The following ABTB2 variants were observed in gnomAD, a reference collection of about 807,000 sequenced individuals.
ABTB2 encodes the protein ankyrin repeat and BTB domain containing 2, also known as ankyrin repeat and BTB/POZ domain-containing protein 2.
A neutral mutation model predicts 104.1 loss-of-function variants in ABTB2; 56 were observed. The ratio of observed to expected loss-of-function variants is 0.54; its 90% CI spans 0.43 to 0.67. The LOEUF (loss-of-function observed/expected upper bound fraction) is 0.67, where lower values mean the gene tolerates loss of function less well. ABTB2 is among the 30% of genes least tolerant of loss of function. The pLI, the probability that ABTB2 is intolerant of heterozygous loss-of-function variation, is 0.00. For synonymous variants in ABTB2, 606 were observed against 608.2 expected (o/e 1.00, Z 0.05); for missense variants, 1,279 against 1,407.7 (o/e 0.91, Z 1.46).
chr11:34,340,383 G>A (rs1173016874), intron 1 of ABTB2, among the ~76,000 whole-genome samples: 2 of 152,162 alleles, frequency 1.3e-5, no homozygotes, highest in Admixed American at 6.5e-5. Context: ...CATTTAATTC[G>A]CACAACCAGC....
chr11:34,241,935 G>C (rs1332159096), intron 1 of ABTB2, among the ~76,000 whole-genome samples: 1 of 152,258 alleles, frequency 6.6e-6, no homozygotes, highest in Non-Finnish European at 1.5e-5. Context: ...GGACTCTTCT[G>C]AAGGGTCTGT....
chr11:34,210,786 C>T (rs1441100773), intron 1 of ABTB2, among the ~76,000 whole-genome samples: 2 of 152,220 alleles, frequency 1.3e-5, no homozygotes, highest in Non-Finnish European at 2.9e-5. Flanking sequence ...TACTCCTTTA[C>T]TGCACTCGCA....
intron 2 of ABTB2, among the ~76,000 whole-genome samples, chr11:34,203,315 A>G (rs1853367498): frequency 6.6e-6 from 1 of 152,236 alleles, no homozygotes; most frequent in South Asian, 2.1e-4. Context: ...GTGCTTCACA[A>G]TGGTGTCTTG....
intron 3 of ABTB2, among the ~76,000 whole-genome samples, chr11:34,193,175 T>C (rs1264920794): frequency 6.6e-6 from 1 of 152,242 alleles, no homozygotes; most frequent in Admixed American, 6.5e-5. Flanking sequence ...CCTGGATCCC[T>C]GACAAGAGGC....
chr11:34,229,605 A>G (rs1260970406), intron 1 of ABTB2, among the ~76,000 whole-genome samples: 3 of 152,212 alleles, frequency 2.0e-5, no homozygotes, highest in African/African-American at 7.2e-5. Context: ...GGCACATAAA[A>G]TGGAAGCACA....
At chr11:34,175,526 G>A (rs912504123) in intron 3 of ABTB2, among the ~76,000 whole-genome samples, 6 of 152,176 alleles carry the variant, frequency 3.9e-5, no homozygotes, top group East Asian at 1.9e-4. Flanking sequence ...AATGCATATC[G>A]CTTTCACACC....
intron 1 of ABTB2, among the ~76,000 whole-genome samples, chr11:34,275,029 C>T (rs149682787): frequency 1.8e-3 from 276 of 152,298 alleles, no homozygotes; most frequent in African/African-American, 6.5e-3. Context: ...AGTGACTCAC[C>T]TGGGCTCCAG....
chr11:34,255,206 A>G (rs893864169), intron 1 of ABTB2, among the ~76,000 whole-genome samples: 3 of 152,252 alleles, frequency 2.0e-5, no homozygotes, highest in African/African-American at 4.8e-5. Context: ...CTCCTAAACT[A>G]TTTCCATTGT....
intron 3 of ABTB2, chr11:34,189,262 TTG>T (rs1471148777): frequency 6.6e-6 from 1 of 152,178 alleles, no homozygotes; most frequent in Non-Finnish European, 1.5e-5. Flanking sequence ...ACTGTTTCAC[TTG>T]ACTAGCCAAA....
chr11:34,348,631 C>T (rs888269871), intron 1 of ABTB2, among the ~76,000 whole-genome samples: 5 of 152,184 alleles, frequency 3.3e-5, no homozygotes, highest in African/African-American at 1.2e-4. Context: ...ACCCAGACAG[C>T]CAGGAGTCAT....
chr11:34,182,497 T>TGGGGGGGGGCG (rs1554981446), intron 3 of ABTB2, among the ~76,000 whole-genome samples: 1 of 69,900 alleles, frequency 1.4e-5, no homozygotes. Flanking sequence ...TTGGGTTCTC[T>TGGGGGGGGGCG]GGGGGGGGGG....
intron 1 of ABTB2, among the ~76,000 whole-genome samples, chr11:34,259,521 C>A (rs1020993990): frequency 6.6e-6 from 1 of 152,322 alleles, no homozygotes; most frequent in Non-Finnish European, 1.5e-5. Flanking sequence ...CTCAGCTCCC[C>A]TCCTTCTCAG....
intron 1 of ABTB2, among the ~76,000 whole-genome samples, chr11:34,255,838 T>C (rs940638421): frequency 7.2e-5 from 11 of 152,260 alleles, no homozygotes; most frequent in South Asian, 2.1e-4. Flanking sequence ...ACATTTTTTT[T>C]CCCCTCCTCT....
chr11:34,232,332 G>A (rs2955952), intron 1 of ABTB2, among the ~76,000 whole-genome samples: 105,139 of 151,634 alleles, frequency 0.69, 36,519 homozygotes, highest in Middle Eastern at 0.8. Context: ...CGCCTGTAGC[G>A]CCAGCTACTT....
chr11:34,291,867 G>C (rs1854568223), intron 1 of ABTB2, among the ~76,000 whole-genome samples: 3 of 151,688 alleles, frequency 2.0e-5, no homozygotes, highest in Admixed American at 2.0e-4. Flanking sequence ...GGGCAAAGTG[G>C]TCTGTAAAGA....
intron 14 of ABTB2, among the ~76,000 whole-genome samples, chr11:34,159,091 C>A (rs1484924330): frequency 6.6e-6 from 1 of 152,238 alleles, no homozygotes; most frequent in Non-Finnish European, 1.5e-5. Flanking sequence ...GCTCAGGACC[C>A]ATGTGACAGG....
intron 1 of ABTB2, among the ~76,000 whole-genome samples, chr11:34,355,876 C>A (rs1488780922): frequency 2.0e-5 from 3 of 152,204 alleles, no homozygotes. Context: ...GGAAGTGCAA[C>A]CACCCAATGG....
chr11:34,202,052 G>C (rs1053708659), intron 2 of ABTB2, among the ~76,000 whole-genome samples: 1 of 152,228 alleles, frequency 6.6e-6, no homozygotes, highest in African/African-American at 2.4e-5. Flanking sequence ...TACAGCCGTG[G>C]ACAAAGGAGA....
intron 1 of ABTB2, among the ~76,000 whole-genome samples, chr11:34,231,842 A>G (rs923283884): frequency 3.3e-5 from 5 of 152,206 alleles, no homozygotes; most frequent in Admixed American, 3.3e-4. Context: ...CTTCCCCGCA[A>G]AAAACCCTAT....
Sources: gnomAD v4.1 joint callset for allele counts (sites outside exome capture counted in the v4.1 genomes callset) on GRCh38, gnomAD v4.1.1 for gene constraint, MANE v1.5 for transcripts, NCBI Gene and HGNC (gene_info 2026-07-23, HGNC 2026-07-21) for gene names.